SCYL1: variants seen among roughly 807,000 people sequenced by gnomAD.
The protein encoded by SCYL1 is N-terminal kinase-like protein.
Under a neutral mutation model 94.8 loss-of-function variants are expected in SCYL1, and 85 were observed. The ratio of observed to expected loss-of-function variants is 0.90; its 90% CI spans 0.75 to 1.07. The LOEUF (loss-of-function observed/expected upper bound fraction) is 1.07. Among genes scored for constraint, SCYL1 ranks in the 50% least tolerant of loss-of-function variants. The pLI is 0.00. For synonymous variants in SCYL1, 459 were observed against 435.5 expected (o/e 1.05, Z -0.67); for missense variants, 968 against 1,083.3 (o/e 0.89, Z 1.49).
chr11:65,535,349 C>T lies in SCYL1; in HGVS notation c.1353C>T (p.Cys451=). ...CCATCCGCTGCAACACCACAGTCTGCCTGGGCAAAATCGGCTCCTACCTCA... is the reference window on the plus strand; with the variant it reads ...CCATCCGCTGCAACACCACAGTCTGTCTGGGCAAAATCGGCTCCTACCTCA... The part of the protein sequence containing the change: ...QGPIRCNTTV[C]LGKIGSYLSA... The change falls in exon 10 of 18, where the codon TGC becomes TGT. Residue 451 remains cysteine, a synonymous_variant. Coordinates refer to ENST00000270176, the MANE Select transcript of SCYL1 (RefSeq NM_020680.4). 1 of 1,614,250 alleles carries T rather than the reference C, an allele frequency of 6.2e-7. No homozygotes were observed. The highest frequency in any genetic ancestry group is 2.2e-5 in the East Asian group (1 of 44,888).
At chr11:65,527,199 G>C (rs1033358855) in intron 6 of SCYL1, 82 bp downstream of exon 6, 72 of 1,492,554 alleles carry the variant, frequency 4.8e-5, no homozygotes, top group Non-Finnish European at 6.4e-5. Context: ...CCTCACAATT[G>C]ACCCTCAGGA....
At chr11:65,535,161 G>A in intron 9 of SCYL1, 66 bp from the exon 10 acceptor site, 2 of 1,583,926 alleles carry the variant, frequency 1.3e-6, no homozygotes, top group Non-Finnish European at 1.7e-6. Flanking sequence ...GCTGCCAGGA[G>A]GCTGTTCCTG....
At chr11:65,537,765 C>T in intron 14 of SCYL1, 44 bp from the exon 15 acceptor site, 2 of 1,491,014 alleles carry the variant, frequency 1.3e-6, no homozygotes, top group African/African-American at 1.4e-5. Flanking sequence ...CTCACTTGCC[C>T]TTTAGCATGG....
In SCYL1 at chr11:65,538,281, C is replaced by A; in HGVS notation, c.2259C>A (p.Asp753Glu). The A allele has an allele frequency of 1.9e-6, 3 of 1,553,044 alleles. No individual in the cohort carries two copies. ...SARPSTQPRP[D>E]SWGEDNWEGL... The stretch of plus-strand genomic sequence containing the variant: ...ACTTCTCTTTACAGCCGAGGCCAGA[C>A]TCTTGGGGTGAGGACAACTGGGAGG... The change falls in exon 17 of 18, where the codon GAC (aspartate) becomes GAA (glutamate). Residue 753 changes from aspartate (D) to glutamate (E), a missense_variant. Coordinates refer to ENST00000270176, the MANE Select transcript of SCYL1 (RefSeq NM_020680.4).
In SCYL1 at chr11:65,526,708, C is replaced by A; in HGVS notation, c.603-75C>A. On this transcript the variant is annotated intron_variant, in intron 4 of 17. Coordinates refer to ENST00000270176, the MANE Select transcript of SCYL1 (RefSeq NM_020680.4). The surrounding 1 kb of genome is among the most constrained non-coding windows in gnomAD (Gnocchi z 4.1). ...GCCAGGCCCTGGCATGCAGTGGGTG[C>A]CTGGTGCCCAAGGCAGGCTGGAGGC... is the stretch of plus-strand genomic sequence containing the variant. The A allele has an allele frequency of 1.4e-6, 2 of 1,435,132 alleles. No homozygotes were observed. Among genetic ancestry groups the A allele is most frequent in the Non-Finnish European group, 1.9e-6 (2 of 1,042,632 alleles). The allele number at this position is 1,435,132 out of a possible 1,614,324, so 88.9% of individuals were successfully genotyped here.
At chr11:65,534,100 G>A (rs1417567672) in intron 9 of SCYL1, among the ~76,000 whole-genome samples, 1 of 152,050 alleles carries the variant, frequency 6.6e-6, no homozygotes, top group Non-Finnish European at 1.5e-5. Context: ...GCATGGTGGT[G>A]GGCGCCTGTG....
chr11:65,532,178 C>T (rs542666284), intron 8 of SCYL1, among the ~76,000 whole-genome samples: 8 of 152,222 alleles, frequency 5.3e-5, no homozygotes, highest in South Asian at 2.1e-4. Flanking sequence ...AATCCCAGCA[C>T]TTTGGGAGGG....
Position 65,537,789 on chromosome 11 carries a change from G to A in SCYL1, c.1960-20G>A. 6.5e-7 allele frequency: 1 copy of A among 1,540,382 alleles called. No homozygotes were observed. The highest frequency in any genetic ancestry group is 2.4e-5 in the East Asian group (1 of 41,230). Reference sequence around the variant, plus strand: ...CCTTTAGCATGGGGTGGGAGTCAGTGGTCCCTTCCCACACTGCAGCAGGAG... The same window carrying A: ...CCTTTAGCATGGGGTGGGAGTCAGTAGTCCCTTCCCACACTGCAGCAGGAG... On this transcript the variant is annotated intron_variant, in intron 14 of 17. Coordinates refer to ENST00000270176, the MANE Select transcript of SCYL1 (RefSeq NM_020680.4).
Position 65,536,054 on chromosome 11 carries a change from C to CCTCTA in SCYL1, c.1492_1496dup (p.Met500ThrfsTer3), listed in dbSNP as rs1565077516. 9.3e-6 allele frequency: 15 copies of CCTCTA among 1,614,242 alleles called. No individual in the cohort carries two copies. Among genetic ancestry groups the CCTCTA allele is most frequent in the Non-Finnish European group, 1.3e-5 (15 of 1,180,036 alleles). On this transcript the variant is annotated frameshift_variant, in exon 11 of 18. Transcript: ENST00000270176. LOFTEE classifies it high-confidence loss of function. ...TCCTGGGCTTTGCTGCCACCCACAA[C>CCTCTA]CTCTACTCAATGAACGACTGTGCCC...
intron 7 of SCYL1, 33 bp downstream of exon 7, chr11:65,530,820 T>TGG: frequency 6.3e-7 from 1 of 1,583,586 alleles, no homozygotes; most frequent in South Asian, 1.1e-5. Context: ...GAAGGCTGGC[T>TGG]GGGTGCACAG....
chr11:65,533,219 C>A, intron 9 of SCYL1: 1 of 190,554 alleles, frequency 5.2e-6, no homozygotes, highest in South Asian at 1.1e-4. Context: ...GTCAGGAGTT[C>A]GAGACCAGCC....
At chr11:65,527,775 A>G (rs1008967558) in intron 6 of SCYL1, among the ~76,000 whole-genome samples, 1 of 152,088 alleles carries the variant, frequency 6.6e-6, no homozygotes, top group African/African-American at 2.4e-5. Context: ...TATAATGCAC[A>G]TATTCCAAAA....
At position 65,525,933 on chromosome 11, in the gene SCYL1, C is replaced by G; in HGVS notation, c.265C>G (p.Leu89Val). 6.2e-7 allele frequency: 1 copy of G among 1,613,478 alleles called. No homozygotes were observed. The highest frequency in any genetic ancestry group is 8.5e-7 in the Non-Finnish European group (1 of 1,179,866). The change falls in exon 3 of 18, where the codon CTC (leucine) becomes GTC (valine). Residue 89 changes from leucine to valine, a missense_variant. Around this residue, in one of 2 missense-constraint regions of SCYL1, gnomAD observed 494 missense variants for 619.7 expected, o/e 0.80. Transcript: ENST00000270176. ...YIDGLETEKC[L>V]HVVTEAVTPL... is the part of the protein sequence containing the mutation. ...TCCCCTTCCCCAGACAGAAAAATGC[C>G]TCCACGTCGTGACAGAGGCTGTGAC...
Position 65,538,093 on chromosome 11 carries a change from C to T in SCYL1, c.2158C>T (p.Arg720Trp), listed in dbSNP as rs201119677. 3.4e-3 allele frequency: 5,484 copies of T among 1,605,364 alleles called. 17 individuals carry two copies. Among genetic ancestry groups the T allele is most frequent in the Non-Finnish European group, 4.1e-3 (4,870 of 1,176,672 alleles). Residue 720 changes from arginine to tryptophan, a missense_variant, in exon 16 of 18, where the codon CGG (arginine) becomes TGG (tryptophan). Around this residue, in one of 2 missense-constraint regions of SCYL1, gnomAD observed 474 missense variants for 463.6 expected, o/e 1.02. Transcript: ENST00000270176. ...SSQEPPPDGT[R>W]LASEYNWGGP... ...CCAGGAGCCACCTCCTGACGGTACA[C>T]GGCTGGCCAGCGAGTATAACTGGGG...
chr11:65,535,804 A>AG, intron 10 of SCYL1, 149 bp from the exon 11 acceptor site: 1 of 775,012 alleles, frequency 1.3e-6, no homozygotes, highest in East Asian at 2.7e-5. Flanking sequence ...CCAGAGTTTT[A>AG]GGTCAACTCT....
chr11:65,535,749 C>T (rs1035298698), intron 10 of SCYL1: 2 of 611,346 alleles, frequency 3.3e-6, no homozygotes, highest in African/African-American at 3.7e-5. Flanking sequence ...GTCCCATGCC[C>T]TGAGGCAGTG....
intron 6 of SCYL1, 25 bp downstream of exon 6, chr11:65,527,142 T>G (rs752052052): frequency 6.2e-7 from 1 of 1,606,744 alleles, no homozygotes; most frequent in Non-Finnish European, 8.5e-7. Flanking sequence ...CACCCTGGGC[T>G]TCGACCCTAT....
intron 9 of SCYL1, among the ~76,000 whole-genome samples, chr11:65,533,654 C>T (rs1411752249): frequency 6.6e-6 from 1 of 151,982 alleles, no homozygotes; most frequent in Non-Finnish European, 1.5e-5. Context: ...GTGATGCACG[C>T]CTATAGTCCC....
Position 65,526,308 on chromosome 11 carries a change from C to T in SCYL1, c.560C>T (p.Pro187Leu), listed in dbSNP as rs367912230. The T allele has an allele frequency of 2.5e-5, 40 of 1,608,610 alleles. 2 individuals carry two copies. Among genetic ancestry groups the T allele is most frequent in the East Asian group, 1.3e-4 (6 of 44,752 alleles). Reference sequence around the variant, plus strand: ...CCCGAGCTTGAGCAGTATGACCCCCCGGAGTTGGCTGACAGCAGTGGCAGA... The same window carrying T: ...CCCGAGCTTGAGCAGTATGACCCCCTGGAGTTGGCTGACAGCAGTGGCAGA... ...GIPELEQYDP[P>L]ELADSSGRVV... The change falls in exon 4 of 18, where the codon CCG becomes CTG. Residue 187 changes from proline (P) to leucine (L), a missense_variant. Pro to Leu is a moderately conservative substitution (Grantham distance 98). Coordinates refer to ENST00000270176, the MANE Select transcript of SCYL1 (RefSeq NM_020680.4). This position sits in a 1 kb window ranked among gnomAD's most constrained non-coding sequence, Gnocchi z 4.1.
Sources: gnomAD v4.1 joint callset for allele counts (sites outside exome capture counted in the v4.1 genomes callset) on GRCh38, gnomAD v4.1.1 for gene constraint, gnomAD v4.1.1 regional missense constraint, Gnocchi (gnomAD v3.1) non-coding constraint, MANE v1.5 for transcripts, NCBI Gene and HGNC (gene_info 2026-07-23, HGNC 2026-07-21) for gene names.